Variants in UBE3D observed in about 807,000 individuals in gnomAD.
The protein encoded by UBE3D is ubiquitin protein ligase E3D, also known as E3 ubiquitin-protein ligase E3D.
UBE3D carries 48 observed loss-of-function variants against 49.6 expected under a neutral mutation model. That is an observed-to-expected ratio of 0.97 (90% CI 0.77 to 1.23). The LOEUF (loss-of-function observed/expected upper bound fraction) is 1.23. Among genes scored for constraint, UBE3D ranks in the 50% most tolerant of loss-of-function variants. The pLI is 0.00. For synonymous variants in UBE3D, 189 were observed against 174.2 expected, an observed-to-expected ratio of 1.08 and a Z score of -0.67; for missense variants, 452 against 468.4, an observed-to-expected ratio of 0.96 and a Z score of 0.32.
At chr6:82,885,981 C>T in the UBE3D span, among the ~76,000 whole-genome samples, 4 of 152,162 alleles carry the variant, frequency 2.6e-5, no homozygotes, top group African/African-American at 7.2e-5. Context: ...CTTTGTACTC[C>T]ACAACTGCTG....
At chr6:82,902,599 G>C (rs1422234904) in intron 9 of UBE3D, among the ~76,000 whole-genome samples, 1 of 152,194 alleles carries the variant, frequency 6.6e-6, no homozygotes, top group Non-Finnish European at 1.5e-5. Context: ...AGCAGTGATT[G>C]CAGGGGTTAA....
chr6:83,065,741 G>A lies in UBE3D; in HGVS notation c.-23C>T, dbSNP rs749672104. Reference sequence around the variant, plus strand: ...CATGGCAGGCTTCCAGTCCCAGACCGGACCAAGCTGGAGGTTCCGAGGGGC... The same window carrying A: ...CATGGCAGGCTTCCAGTCCCAGACCAGACCAAGCTGGAGGTTCCGAGGGGC... On this transcript the variant is annotated 5_prime_UTR_variant, in exon 1 of 10. Transcript: ENST00000369747. 18 of 1,599,608 alleles carry A rather than the reference G, an allele frequency of 1.1e-5. No individual in the cohort carries two copies. Among genetic ancestry groups the A allele is most frequent in the Middle Eastern group, 1.7e-4 (1 of 6,052 alleles).
At chr6:82,935,668 G>GAA (rs1252100992) in intron 9 of UBE3D, among the ~76,000 whole-genome samples, 1 of 152,018 alleles carries the variant, frequency 6.6e-6, no homozygotes, top group Non-Finnish European at 1.5e-5. Context: ...AGGCCAGCAG[G>GAA]AAAAAGAAAG....
intron 8 of UBE3D, among the ~76,000 whole-genome samples, chr6:82,999,712 T>C (rs1562169228): frequency 6.6e-6 from 1 of 152,048 alleles, no homozygotes; most frequent in Non-Finnish European, 1.5e-5. Flanking sequence ...TGGACTCAAG[T>C]CAGTCTAACC....
chr6:82,972,470 T>C lies in UBE3D; in HGVS notation c.1011-15020A>G, dbSNP rs73478988. On this transcript the variant is annotated intron_variant, in intron 8 of 9. Coordinates refer to ENST00000369747, the MANE Select transcript of UBE3D (RefSeq NM_198920.3). The stretch of plus-strand genomic sequence containing the variant: ...AAATACCAAGATCTCATGCTACCTG[T>C]GCAAGAGCCCTTGATTTTGGAAAAA... Among the ~76,000 whole-genome samples the C allele has an allele frequency of 8.3e-3, 1,265 of 152,318 alleles. 21 individuals are homozygous for C. Among genetic ancestry groups the C allele is most frequent in the African/African-American group, 0.029 (1,200 of 41,572 alleles).
chr6:83,024,999 G>T (rs1478716581), intron 5 of UBE3D, among the ~76,000 whole-genome samples: 5 of 152,150 alleles, frequency 3.3e-5, no homozygotes, highest in African/African-American at 1.2e-4. Context: ...ACTTGACATA[G>T]AACTTTCTTA....
intron 9 of UBE3D, among the ~76,000 whole-genome samples, chr6:82,950,611 CA>C (rs1174602555): frequency 6.6e-6 from 1 of 152,036 alleles, no homozygotes; most frequent in African/African-American, 2.4e-5. Context: ...GGTAGGTACC[CA>C]AAAGAAAAGA....
At chr6:82,901,671 T>C (rs947896840) in intron 9 of UBE3D, among the ~76,000 whole-genome samples, 31 of 152,322 alleles carry the variant, frequency 2.0e-4, no homozygotes, top group African/African-American at 7.5e-4. Flanking sequence ...TACTCCAGTG[T>C]CTTCATTTCT....
chr6:82,940,579 T>C (rs1177918273), intron 9 of UBE3D, among the ~76,000 whole-genome samples: 1 of 152,074 alleles, frequency 6.6e-6, no homozygotes. Flanking sequence ...AAGTGCTGAG[T>C]GAAAATTCTA....
At chr6:82,991,380 C>T (rs776843335) in intron 8 of UBE3D, among the ~76,000 whole-genome samples, 15 of 152,106 alleles carry the variant, frequency 9.9e-5, no homozygotes, top group South Asian at 2.1e-4. Flanking sequence ...GTTTAATCTG[C>T]CTGGAATCCC....
intron 1 of UBE3D, among the ~76,000 whole-genome samples, chr6:83,061,704 T>C (rs1784179654): frequency 6.6e-6 from 1 of 152,210 alleles, no homozygotes. Context: ...CCTCACCCAG[T>C]TGGTAGGCTG....
At chr6:82,895,148 T>C (rs915068878) in intron 9 of UBE3D, among the ~76,000 whole-genome samples, 1 of 151,978 alleles carries the variant, frequency 6.6e-6, no homozygotes, top group African/African-American at 2.4e-5. Context: ...CTGTCTCTAC[T>C]AAGAATACAA....
At chr6:82,946,659 G>A (rs1775424962) in intron 9 of UBE3D, among the ~76,000 whole-genome samples, 1 of 152,028 alleles carries the variant, frequency 6.6e-6, no homozygotes, top group South Asian at 2.1e-4. Context: ...TAAGTAGAAA[G>A]ACTAAAAGAT....
At chr6:82,924,295 T>C (rs1489554803) in intron 9 of UBE3D, among the ~76,000 whole-genome samples, 1 of 152,152 alleles carries the variant, frequency 6.6e-6, no homozygotes, top group African/African-American at 2.4e-5. Flanking sequence ...GGATGAAATA[T>C]AGGTTGATAT....
intron 8 of UBE3D, among the ~76,000 whole-genome samples, chr6:83,011,612 G>T (rs995280325): frequency 2.0e-5 from 3 of 152,096 alleles, no homozygotes; most frequent in African/African-American, 7.2e-5. Context: ...GACAGTCCAG[G>T]TCAATCACCC....
intron 2 of UBE3D, among the ~76,000 whole-genome samples, chr6:83,056,837 T>C (rs976876350): frequency 1.7e-4 from 26 of 152,336 alleles, no homozygotes; most frequent in Admixed American, 1.6e-3. Context: ...AGCAGCGAAG[T>C]GTCAGTGTGC....
At chr6:83,013,951 C>A (rs141962571) in intron 8 of UBE3D, among the ~76,000 whole-genome samples, 2 of 152,302 alleles carry the variant, frequency 1.3e-5, no homozygotes, top group East Asian at 1.9e-4. Context: ...AGTTGATATA[C>A]CCCTGAGGTA....
At chr6:83,038,544 A>G in intron 4 of UBE3D, 59 bp from the exon 5 acceptor site, 5 of 1,403,708 alleles carry the variant, frequency 3.6e-6, no homozygotes, top group Non-Finnish European at 2.0e-6. Flanking sequence ...AGGAATATAT[A>G]ATTTTAACAT....
chr6:82,889,398 G>A (rs1770941427), downstream of UBE3D, among the ~76,000 whole-genome samples: 1 of 152,192 alleles, frequency 6.6e-6, no homozygotes, highest in Non-Finnish European at 1.5e-5. Context: ...GCATGTCTGG[G>A]TCTAATCGGA....
Sources: gnomAD v4.1 joint callset for allele counts (sites outside exome capture counted in the v4.1 genomes callset) on GRCh38, gnomAD v4.1.1 for gene constraint, MANE v1.5 for transcripts, NCBI Gene and HGNC (gene_info 2026-07-23, HGNC 2026-07-21) for gene names.